Variants in TBX4 observed in about 807,000 individuals in gnomAD.
The protein encoded by TBX4 is T-box transcription factor TBX4.
A neutral mutation model predicts 54.6 loss-of-function variants in TBX4; 13 were observed. The observed-to-expected ratio is 0.24, with a 90% CI of 0.15 to 0.38. The LOEUF is 0.38. Among genes scored for constraint, TBX4 ranks in the 10% least tolerant of loss-of-function variants. The probability of loss-of-function intolerance (pLI) is 1.00; values close to 1 mark genes in which losing one functional copy is unlikely to be tolerated. For synonymous variants in TBX4, 314 were observed against 306.7 expected (o/e 1.02, Z -0.25); for missense variants, 631 against 728.5 (o/e 0.87, Z 1.54).
intron 5 of TBX4, among the ~76,000 whole-genome samples, chr17:61,477,857 C>G (rs1262578527): frequency 3.4e-5 from 5 of 148,234 alleles, no homozygotes; most frequent in African/African-American, 1.2e-4. Flanking sequence ...ACGAGAATCG[C>G]TTGAACCCAG....
In TBX4 at chr17:61,456,610, C is replaced by T; in HGVS notation, c.120C>T (p.Ser40=). 3 of 1,482,024 alleles carry T rather than the reference C, an allele frequency of 2.0e-6. No individual in the cohort carries two copies. The highest frequency in any genetic ancestry group is 1.4e-5 in the South Asian group (1 of 73,492). The allele number at this position is 1,482,024 out of a possible 1,614,324, so 91.8% of individuals were successfully genotyped here. A position where few individuals can be genotyped will look rare whatever the true frequency, so the allele number is the denominator to read the frequency against. The part of the protein sequence containing the change: ...PEPALAAPGL[S]GAALGSPPGP... ...CCGCGCTGGCAGCGCCGGGCCTCAGCGGAGCCGCGCTAGGCAGCCCCCCGG... is the reference window on the plus strand; with the variant it reads ...CCGCGCTGGCAGCGCCGGGCCTCAGTGGAGCCGCGCTAGGCAGCCCCCCGG... Residue 40 remains serine (S), a synonymous_variant, in exon 2 of 9, where the codon AGC becomes AGT. Coordinates refer to ENST00000644296, the MANE Select transcript of TBX4 (RefSeq NM_001321120.2).
intron 5 of TBX4, among the ~76,000 whole-genome samples, chr17:61,471,075 T>G (rs1054806204): frequency 6.6e-6 from 1 of 152,220 alleles, no homozygotes; most frequent in African/African-American, 2.4e-5. Flanking sequence ...CATTAGCCCC[T>G]GGGCTAGAGG....
At position 61,478,065 on chromosome 17, in the gene TBX4, T is replaced by C. The variant is rs1002945853; in HGVS notation, c.550-562T>C. On this transcript the variant is annotated intron_variant, in intron 5 of 8. Transcript: ENST00000644296. This position sits in a 1 kb window ranked among gnomAD's most constrained non-coding sequence, Gnocchi z 7.4. ...GACATTTTCCTCAGCTTTTTCCCTCTCTCTCATCCTGCAAAACCCAAGTAT... is the reference window on the plus strand; with the variant it reads ...GACATTTTCCTCAGCTTTTTCCCTCCCTCTCATCCTGCAAAACCCAAGTAT... Among the ~76,000 whole-genome samples the C allele has an allele frequency of 6.6e-6, 1 of 152,106 alleles. No homozygotes were observed. Among genetic ancestry groups the C allele is most frequent in the Non-Finnish European group, 1.5e-5 (1 of 68,008 alleles).
chr17:61,457,442 T>G lies in TBX4; in HGVS notation c.187-95T>G. On this transcript the variant is annotated intron_variant, in intron 2 of 8. Coordinates refer to ENST00000644296, the MANE Select transcript of TBX4 (RefSeq NM_001321120.2). The surrounding 1 kb of genome is among the most constrained non-coding windows in gnomAD (Gnocchi z 8.2). ...GCCATGGGCTCCGGGCGGGCAGGGTTCCGCACAGCTCTTCGGGTCTGGTTC... is the reference window on the plus strand; with the variant it reads ...GCCATGGGCTCCGGGCGGGCAGGGTGCCGCACAGCTCTTCGGGTCTGGTTC... The G allele has an allele frequency of 1.7e-6, 2 of 1,201,776 alleles. No individual in the cohort carries two copies. 74.4% of individuals were successfully genotyped at this position (1,201,776 alleles called of 1,614,324 possible).
intron 1 of TBX4, among the ~76,000 whole-genome samples, chr17:61,453,536 C>A (rs1316711460): frequency 6.6e-6 from 1 of 151,924 alleles, no homozygotes; most frequent in Non-Finnish European, 1.5e-5. Flanking sequence ...CAATTTATGA[C>A]CAATGTATTA....
At chr17:61,458,917 G>T (rs1315604567) in intron 3 of TBX4, among the ~76,000 whole-genome samples, 1 of 96,632 alleles carries the variant, frequency 1.0e-5, no homozygotes, top group Admixed American at 9.8e-5. Flanking sequence ...TGCAGCGTAT[G>T]GGGTGCTGTG....
chr17:61,479,447 G>A lies in TBX4; in HGVS notation c.703-434G>A, dbSNP rs1297158717. 6.6e-6 allele frequency among the ~76,000 whole-genome samples: 1 copy of A among 152,182 alleles called. No homozygotes were observed. The highest frequency in any genetic ancestry group is 1.5e-5 in the Non-Finnish European group (1 of 68,018). On this transcript the variant is annotated intron_variant, in intron 6 of 8. Transcript: ENST00000644296. This position sits in a 1 kb window ranked among gnomAD's most constrained non-coding sequence, Gnocchi z 6.1. ...ACAGAGTCGGAACTGCATCTAGAAC[G>A]GTCACTCAGAGCCTGATGTAGTTGC...
intron 4 of TBX4, among the ~76,000 whole-genome samples, chr17:61,467,075 C>G (rs1287874150): frequency 6.6e-6 from 1 of 152,086 alleles, no homozygotes; most frequent in Non-Finnish European, 1.5e-5. Context: ...AGAAGGATTG[C>G]TTGAGCCCAG....
In TBX4 at chr17:61,457,522, C is replaced by T. The variant is rs376619036; in HGVS notation, c.187-15C>T. On this transcript the variant is annotated splice_polypyrimidine_tract_variant and intron_variant, in intron 2 of 8. Coordinates refer to ENST00000644296, the MANE Select transcript of TBX4 (RefSeq NM_001321120.2). The surrounding 1 kb of genome is among the most constrained non-coding windows in gnomAD (Gnocchi z 8.2). ...GGGCCTGGCAGACACAAGTTTCTCT[C>T]CCTCCCATCCCCAGACCATCGAGAA... is the stretch of plus-strand genomic sequence containing the variant. 3.2e-4 allele frequency: 515 copies of T among 1,612,366 alleles called. 3 individuals carry two copies. Among genetic ancestry groups the T allele is most frequent in the South Asian group, 7.3e-4 (66 of 91,024 alleles).
Position 61,460,540 on chromosome 17 carries a change from C to T in TBX4, c.281+2909C>T, listed in dbSNP as rs1700484763. Among the ~76,000 whole-genome samples the T allele has an allele frequency of 6.6e-6, 1 of 152,150 alleles. No homozygotes were observed. Among genetic ancestry groups the T allele is most frequent in the Admixed American group, 6.5e-5 (1 of 15,274 alleles). ...CCAGTTTCTGAATACTCAGCGACCT[C>T]CATGTCAGGTGTGAAATGGGGGCCA... On this transcript the variant is annotated intron_variant, in intron 3 of 8. Transcript: ENST00000644296. The surrounding 1 kb of genome is among the most constrained non-coding windows in gnomAD (Gnocchi z 4.4).
rs1009279902 is a variant in TBX4 at position 61,480,998 on chromosome 17, G to C, written c.1021+679G>C. On this transcript the variant is annotated intron_variant, in intron 8 of 8. Coordinates refer to ENST00000644296, the MANE Select transcript of TBX4 (RefSeq NM_001321120.2). The surrounding 1 kb of genome is among the most constrained non-coding windows in gnomAD (Gnocchi z 6.2). ...TTACTCCACCAGAAGACCTCATGGGGCTGCTGAAATTCCCTTCGGAATGAG... is the reference window on the plus strand; with the variant it reads ...TTACTCCACCAGAAGACCTCATGGGCCTGCTGAAATTCCCTTCGGAATGAG... 6.6e-6 allele frequency among the ~76,000 whole-genome samples: 1 copy of C among 152,130 alleles called. No homozygotes were observed. Among genetic ancestry groups the C allele is most frequent in the Non-Finnish European group, 1.5e-5 (1 of 68,036 alleles).
intron 1 of TBX4, 161 bp from the exon 2 acceptor site, chr17:61,456,327 C>G: frequency 1.1e-6 from 1 of 908,160 alleles, no homozygotes. Flanking sequence ...GACCTGCCTT[C>G]CTTGCGGGTT....
intron 5 of TBX4, among the ~76,000 whole-genome samples, chr17:61,477,856 G>A (rs566665883): frequency 1.3e-5 from 2 of 150,016 alleles, no homozygotes; most frequent in Admixed American, 6.7e-5. Context: ...TACGAGAATC[G>A]CTTGAACCCA....
At chr17:61,470,061 A>G (rs1399543938) in intron 5 of TBX4, among the ~76,000 whole-genome samples, 1 of 152,014 alleles carries the variant, frequency 6.6e-6, no homozygotes, top group East Asian at 1.9e-4. Flanking sequence ...GGCAGCCCTC[A>G]CCCCCAACTC....
At chr17:61,456,232 T>A (rs1331413884) in intron 1 of TBX4, among the ~76,000 whole-genome samples, 1 of 152,158 alleles carries the variant, frequency 6.6e-6, no homozygotes, top group Non-Finnish European at 1.5e-5. Flanking sequence ...GACCTACTCA[T>A]CACAGAACCC....
intron 5 of TBX4, among the ~76,000 whole-genome samples, chr17:61,477,118 G>A (rs759411495): frequency 2.6e-5 from 4 of 152,236 alleles, no homozygotes; most frequent in Non-Finnish European, 4.4e-5. Flanking sequence ...TGCCAGCTAC[G>A]GAGAGGGGAG....
At chr17:61,455,434 CGG>C (rs1569030988) in intron 1 of TBX4, among the ~76,000 whole-genome samples, 1 of 152,232 alleles carries the variant, frequency 6.6e-6, no homozygotes, top group Non-Finnish European at 1.5e-5. Flanking sequence ...AAAGGGGAAG[CGG>C]AGCAAGCGGG....
At position 61,474,724 on chromosome 17, in the gene TBX4, T is replaced by A. The variant is rs1177348738; in HGVS notation, c.550-3903T>A. Reference sequence around the variant, plus strand: ...GACGTGGCTGGCCCATTTGGCCCCATATCCTCTGCAGCAAATATAAATGTG... The same window carrying A: ...GACGTGGCTGGCCCATTTGGCCCCAAATCCTCTGCAGCAAATATAAATGTG... On this transcript the variant is annotated intron_variant, in intron 5 of 8. Transcript: ENST00000644296. The surrounding 1 kb of genome is among the most constrained non-coding windows in gnomAD (Gnocchi z 4.6). 6.6e-6 allele frequency among the ~76,000 whole-genome samples: 1 copy of A among 152,218 alleles called. No individual in the cohort carries two copies. Among genetic ancestry groups the A allele is most frequent in the African/African-American group, 2.4e-5 (1 of 41,454 alleles).
chr17:61,483,835 G>GT lies in TBX4; in HGVS notation c.*321dup. On this transcript the variant is annotated 3_prime_UTR_variant, in exon 9 of 9. Coordinates refer to ENST00000644296, the MANE Select transcript of TBX4 (RefSeq NM_001321120.2). The surrounding 1 kb of genome is among the most constrained non-coding windows in gnomAD (Gnocchi z 6.6). ...GGATGGGAGTGGAGGGTTCATATGA[G>GT]TTATTGAGAGGGTTTTATAATGGTT... 1 of 373,048 alleles carries GT rather than the reference G, an allele frequency of 2.7e-6. No individual in the cohort carries two copies. The highest frequency in any genetic ancestry group is 5.1e-6 in the Non-Finnish European group (1 of 195,754). The allele number at this position is 373,048 out of a possible 1,614,324, so 23.1% of individuals were successfully genotyped here. A position where few individuals can be genotyped will look rare whatever the true frequency, so the allele number is the denominator to read the frequency against.
Sources: allele counts gnomAD v4.1 joint callset (sites outside exome capture counted in the v4.1 genomes callset), GRCh38; gene constraint gnomAD v4.1.1; non-coding constraint Gnocchi (gnomAD v3.1); transcripts MANE v1.5; gene names NCBI Gene and HGNC (gene_info 2026-07-23, HGNC 2026-07-21).